Variants in STK32B observed in about 807,000 individuals in gnomAD.
The protein encoded by STK32B is serine/threonine kinase 32B.
In STK32B, 43 loss-of-function variants were observed where a neutral mutation model predicts 52.6. The observed-to-expected ratio is 0.82, with a 90% CI of 0.64 to 1.05. The LOEUF (loss-of-function observed/expected upper bound fraction) is 1.05. Among genes scored for constraint, STK32B ranks in the 50% least tolerant of loss-of-function variants. The pLI is 0.00. For synonymous variants in STK32B, 238 were observed against 204.3 expected (o/e 1.17, Z -1.41); for missense variants, 621 against 534.6 (o/e 1.16, Z -1.59).
intron 1 of STK32B, among the ~76,000 whole-genome samples, chr4:5,052,656 G>A (rs901622728): frequency 1.4e-4 from 22 of 152,182 alleles, no homozygotes; most frequent in African/African-American, 5.1e-4. Flanking sequence ...TGAAATGTGA[G>A]TTATGATACC....
the STK32B span, among the ~76,000 whole-genome samples, chr4:5,043,235 C>G: frequency 1.3e-5 from 2 of 151,724 alleles, no homozygotes; most frequent in Non-Finnish European, 2.9e-5. Context: ...AGCAGGCTTT[C>G]GATTCCAAAT....
chr4:5,439,679 T>A (rs948815509), intron 6 of STK32B, among the ~76,000 whole-genome samples: 4 of 152,172 alleles, frequency 2.6e-5, no homozygotes, highest in Non-Finnish European at 4.4e-5. Flanking sequence ...GTCCTTGCCC[T>A]TGCCTATGTC....
rs1736793857 is a variant in STK32B at position 5,394,977 on chromosome 4, C to T, written c.435-3230C>T. Among the ~76,000 whole-genome samples, 1 of 152,216 alleles carries T rather than the reference C, an allele frequency of 6.6e-6. No individual in the cohort carries two copies. Among genetic ancestry groups the T allele is most frequent in the African/African-American group, 2.4e-5 (1 of 41,452 alleles). On this transcript the variant is annotated intron_variant, in intron 4 of 11. Coordinates refer to ENST00000282908, the MANE Select transcript of STK32B (RefSeq NM_018401.3). This position sits in a 1 kb window ranked among gnomAD's most constrained non-coding sequence, Gnocchi z 4.2. ...TAGGATCTCACAAAACTACAATCCA[C>T]ATGCCCACCGGGCTGCACTCCTTTC...
intron 3 of STK32B, among the ~76,000 whole-genome samples, chr4:5,327,217 T>C (rs146581961): frequency 2.0e-5 from 3 of 151,806 alleles, no homozygotes; most frequent in African/African-American, 7.2e-5. Context: ...GAACCCCTCA[T>C]AGTCATCCAT....
intron 3 of STK32B, among the ~76,000 whole-genome samples, chr4:5,258,496 G>A (rs1018386352): frequency 6.6e-5 from 10 of 152,136 alleles, no homozygotes; most frequent in Admixed American, 3.3e-4. Context: ...TGTTGCAAGC[G>A]TTCCGTGCAT....
chr4:5,238,903 A>G (rs2108814551), intron 3 of STK32B, among the ~76,000 whole-genome samples: 1 of 152,356 alleles, frequency 6.6e-6, no homozygotes, highest in Non-Finnish European at 1.5e-5. Context: ...TAAAAGTAAT[A>G]CATTGAGTTC....
At chr4:5,153,509 G>GAA (rs573243021) in intron 2 of STK32B, among the ~76,000 whole-genome samples, 452 of 147,420 alleles carry the variant, frequency 3.1e-3, no homozygotes, top group African/African-American at 0.011. Flanking sequence ...TTCATTGGTG[G>GAA]AAAAAAAAAG....
chr4:5,039,535 C>T, the STK32B span, among the ~76,000 whole-genome samples: 1 of 152,172 alleles, frequency 6.6e-6, no homozygotes, highest in Non-Finnish European at 1.5e-5. Flanking sequence ...CCTGGGGGAC[C>T]TGCCTGAGGC....
the STK32B span, among the ~76,000 whole-genome samples, chr4:5,028,781 G>A: frequency 1.3e-3 from 203 of 152,226 alleles, 4 homozygotes; most frequent in East Asian, 0.038. Flanking sequence ...AATGACCCCT[G>A]TATTAGTTCA....
intron 3 of STK32B, among the ~76,000 whole-genome samples, chr4:5,177,913 C>T (rs1452816772): frequency 2.6e-5 from 4 of 152,236 alleles, no homozygotes; most frequent in Non-Finnish European, 5.9e-5. Context: ...GCCTCCTTCC[C>T]AGCTGTTTTC....
intron 8 of STK32B, among the ~76,000 whole-genome samples, chr4:5,457,403 G>C (rs1373237930): frequency 2.7e-5 from 4 of 150,766 alleles, no homozygotes; most frequent in Admixed American, 2.6e-4. Context: ...TTTTAGTAGA[G>C]ACGGGGTTTC....
chr4:5,427,897 A>T, intron 6 of STK32B, among the ~76,000 whole-genome samples: 1 of 150,036 alleles, frequency 6.7e-6, no homozygotes, highest in African/African-American at 2.5e-5. Context: ...TTTTATTTTA[A>T]TTTCTTCTCT....
At chr4:5,022,512 C>A in the STK32B span, among the ~76,000 whole-genome samples, 689 of 152,336 alleles carry the variant, frequency 4.5e-3, 5 homozygotes, top group African/African-American at 0.016. Context: ...TTCTCTGCCC[C>A]CTTCTGAGGC....
At chr4:5,492,310 G>T (rs1288770256) in intron 11 of STK32B, among the ~76,000 whole-genome samples, 2 of 152,044 alleles carry the variant, frequency 1.3e-5, no homozygotes, top group African/African-American at 4.8e-5. Context: ...TTGTAAGTTG[G>T]ATTCCTAGGT....
chr4:5,120,828 T>C (rs1003054266), intron 1 of STK32B, among the ~76,000 whole-genome samples: 2 of 151,552 alleles, frequency 1.3e-5, no homozygotes, highest in Non-Finnish European at 2.9e-5. Context: ...TATAGAAAAA[T>C]ATACATAATT....
chr4:5,057,941 A>G (rs11727656), intron 1 of STK32B, among the ~76,000 whole-genome samples: 62,068 of 152,008 alleles, frequency 0.41, 13,123 homozygotes, highest in East Asian at 0.59. Flanking sequence ...TCTAGTTCAG[A>G]AAGACCTGAA....
chr4:5,115,835 C>G (rs561914654), intron 1 of STK32B, among the ~76,000 whole-genome samples: 1 of 152,124 alleles, frequency 6.6e-6, no homozygotes, highest in Non-Finnish European at 1.5e-5. Context: ...GCTTTCTGAA[C>G]CAGAGAGAAC....
Position 5,398,611 on chromosome 4 carries a change from T to C in STK32B, c.472+367T>C, listed in dbSNP as rs954468854. On this transcript the variant is annotated intron_variant, in intron 5 of 11. Coordinates refer to ENST00000282908, the MANE Select transcript of STK32B (RefSeq NM_018401.3). The surrounding 1 kb of genome is among the most constrained non-coding windows in gnomAD (Gnocchi z 4.9). ...AGCCTCAGTGTAATTTTCTGTAAAC[T>C]GGGGAGAAGGCACCTCCCTTGCAGG... 6.6e-6 allele frequency among the ~76,000 whole-genome samples: 1 copy of C among 152,110 alleles called. No individual in the cohort carries two copies. Among genetic ancestry groups the C allele is most frequent in the East Asian group, 1.9e-4 (1 of 5,186 alleles).
chr4:5,072,023 T>C (rs900248732), intron 1 of STK32B, among the ~76,000 whole-genome samples: 1 of 152,168 alleles, frequency 6.6e-6, no homozygotes, highest in African/African-American at 2.4e-5. Context: ...ATGCCCCAAC[T>C]CCTCATCTTT....
Sources: gnomAD v4.1 joint callset for allele counts (sites outside exome capture counted in the v4.1 genomes callset) on GRCh38, gnomAD v4.1.1 for gene constraint, Gnocchi (gnomAD v3.1) non-coding constraint, MANE v1.5 for transcripts, NCBI Gene and HGNC (gene_info 2026-07-23, HGNC 2026-07-21) for gene names.